The following CLCN3 variants were observed in gnomAD, a reference collection of about 807,000 sequenced individuals.
CLCN3 encodes H(+)/Cl(-) exchange transporter 3.
Under a neutral mutation model 83.4 loss-of-function variants are expected in CLCN3, and 16 were observed. The ratio of observed to expected loss-of-function variants is 0.19; its 90% CI spans 0.13 to 0.29. The LOEUF (loss-of-function observed/expected upper bound fraction) is 0.29, where lower values mean the gene tolerates loss of function less well. Among genes scored for constraint, CLCN3 ranks in the 10% least tolerant of loss-of-function variants. The pLI is 1.00. For synonymous variants in CLCN3, 322 were observed against 346.2 expected (o/e 0.93, Z 0.78); for missense variants, 544 against 1,006.0 (o/e 0.54, Z 6.21).
chr4:169,712,330 T>C (rs1478337571), intron 11 of CLCN3, among the ~76,000 whole-genome samples: 1 of 152,214 alleles, frequency 6.6e-6, no homozygotes, highest in Middle Eastern at 3.2e-3. Flanking sequence ...TTGCCACTTC[T>C]TGTCTAGCAT....
intron 1 of CLCN3, among the ~76,000 whole-genome samples, chr4:169,633,287 A>G (rs1773425629): frequency 6.6e-6 from 1 of 152,232 alleles, no homozygotes; most frequent in Non-Finnish European, 1.5e-5. Flanking sequence ...CTGGAACTAC[A>G]GGCATGCGCC....
intron 2 of CLCN3, among the ~76,000 whole-genome samples, chr4:169,676,651 T>A (rs1731690429): frequency 2.9e-5 from 2 of 67,948 alleles, no homozygotes; most frequent in Non-Finnish European, 5.4e-5. Flanking sequence ...ATGCCCAGCA[T>A]TTTTTTTTTT....
At chr4:169,668,273 C>T (rs554479920) in intron 2 of CLCN3, among the ~76,000 whole-genome samples, 8 of 152,150 alleles carry the variant, frequency 5.3e-5, no homozygotes, top group South Asian at 2.1e-4. Context: ...CCTGCCACAG[C>T]GTCCTGATTA....
chr4:169,627,687 ATTTAG>A (rs1773268739), intron 1 of CLCN3, among the ~76,000 whole-genome samples: 1 of 152,156 alleles, frequency 6.6e-6, no homozygotes, highest in African/African-American at 2.4e-5. Context: ...GCAAATATTT[ATTTAG>A]TTTAGGTCTT....
At chr4:169,709,187 A>G (rs1733104692) in intron 11 of CLCN3, among the ~76,000 whole-genome samples, 1 of 149,916 alleles carries the variant, frequency 6.7e-6, no homozygotes, top group Admixed American at 6.7e-5. Flanking sequence ...TATAATACAT[A>G]TAATTGATAT....
At chr4:169,630,430 A>C (rs1773339750) in intron 1 of CLCN3, among the ~76,000 whole-genome samples, 1 of 152,238 alleles carries the variant, frequency 6.6e-6, no homozygotes, top group Non-Finnish European at 1.5e-5. Flanking sequence ...AATGGTCTCC[A>C]GCAGCATCCC....
chr4:169,654,166 G>A (rs1050466692), intron 2 of CLCN3, among the ~76,000 whole-genome samples: 18 of 151,964 alleles, frequency 1.2e-4, no homozygotes, highest in African/African-American at 3.9e-4. Context: ...GATAATGGTT[G>A]TGTGTCTTTT....
intron 2 of CLCN3, among the ~76,000 whole-genome samples, chr4:169,678,644 C>T (rs1213241222): frequency 1.3e-5 from 2 of 152,108 alleles, no homozygotes; most frequent in African/African-American, 4.8e-5. Flanking sequence ...TGCCTTCAAG[C>T]ATCTGTTTAA....
At chr4:169,677,903 G>C (rs762122754) in intron 2 of CLCN3, among the ~76,000 whole-genome samples, 4 of 151,992 alleles carry the variant, frequency 2.6e-5, no homozygotes, top group Non-Finnish European at 5.9e-5. Context: ...TCTTTTTCTT[G>C]AGCTATCTTT....
intron 2 of CLCN3, chr4:169,660,234 C>G (rs1731005769): frequency 8.2e-7 from 1 of 1,214,100 alleles, no homozygotes; most frequent in South Asian, 3.5e-5. Context: ...TTCAGCGAGT[C>G]GAACTACAGT....
chr4:169,679,611 G>T (rs1172430761), intron 2 of CLCN3, among the ~76,000 whole-genome samples: 1 of 152,198 alleles, frequency 6.6e-6, no homozygotes, highest in African/African-American at 2.4e-5. Flanking sequence ...ATTGAGCACT[G>T]AGTGAGCGAG....
At position 169,720,042 on chromosome 4, in the gene CLCN3, T is replaced by C. The variant is rs748167186; in HGVS notation, c.*45T>C. ...AGAAGAAACGGAAGAGGAAGTTTAT[T>C]TGTTGAATAGCACAACTCTTTAACC... On this transcript the variant is annotated 3_prime_UTR_variant, in exon 13 of 13. Transcript: ENST00000513761. 6.2e-7 allele frequency: 1 copy of C among 1,613,064 alleles called. No homozygotes were observed. The highest frequency in any genetic ancestry group is 8.5e-7 in the Non-Finnish European group (1 of 1,179,534).
At chr4:169,696,996 A>G (rs527719427) in intron 8 of CLCN3, among the ~76,000 whole-genome samples, 193 bp from the exon 9 acceptor site, 3 of 152,058 alleles carry the variant, frequency 2.0e-5, no homozygotes, top group South Asian at 2.1e-4. Context: ...GATACTGTCA[A>G]TTTGTAATGA....
intron 2 of CLCN3, among the ~76,000 whole-genome samples, chr4:169,662,470 A>C (rs1035063136): frequency 6.6e-6 from 1 of 152,162 alleles, no homozygotes; most frequent in Non-Finnish European, 1.5e-5. Flanking sequence ...GGGTCAACAC[A>C]ATGGAATTGA....
At chr4:169,646,081 T>C (rs1232046534) in intron 2 of CLCN3, among the ~76,000 whole-genome samples, 1 of 152,200 alleles carries the variant, frequency 6.6e-6, no homozygotes, top group East Asian at 1.9e-4. Flanking sequence ...TTTTTTCTAT[T>C]TCCAAGTTTT....
intron 2 of CLCN3, among the ~76,000 whole-genome samples, chr4:169,671,192 C>T (rs1269042872): frequency 2.0e-5 from 3 of 152,110 alleles, no homozygotes; most frequent in Non-Finnish European, 2.9e-5. Context: ...GACTTGAAAC[C>T]AACCCAAAAA....
intron 10 of CLCN3, among the ~76,000 whole-genome samples, chr4:169,704,452 A>G (rs944442046): frequency 2.0e-5 from 3 of 152,260 alleles, no homozygotes; most frequent in African/African-American, 7.2e-5. Context: ...AAGCCATCTA[A>G]GTACAACATA....
chr4:169,628,313 T>C (rs772461341), intron 1 of CLCN3, among the ~76,000 whole-genome samples: 1 of 152,172 alleles, frequency 6.6e-6, no homozygotes, highest in African/African-American at 2.4e-5. Context: ...TAAATTAAAC[T>C]TCATCAAAAT....
At chr4:169,632,623 A>G (rs1369618526) in intron 1 of CLCN3, among the ~76,000 whole-genome samples, 3 of 150,128 alleles carry the variant, frequency 2.0e-5, no homozygotes, top group African/African-American at 7.3e-5. Context: ...AGGCTGAGGC[A>G]GAAGAATGGC....
Sources: allele counts gnomAD v4.1 joint callset (sites outside exome capture counted in the v4.1 genomes callset), GRCh38; gene constraint gnomAD v4.1.1; transcripts MANE v1.5; gene names NCBI Gene and HGNC (gene_info 2026-07-23, HGNC 2026-07-21).